The following SLC15A2 variants were observed in gnomAD, a reference collection of about 807,000 sequenced individuals.
The protein encoded by SLC15A2 is solute carrier family 15 member 2.
In SLC15A2, 77 loss-of-function variants were observed where a neutral mutation model predicts 95.5. The observed-to-expected ratio is 0.81, with a 90% CI of 0.67 to 0.97. SLC15A2 has a LOEUF of 0.97. SLC15A2 is among the 50% of genes least tolerant of loss of function. The pLI, the probability that SLC15A2 is intolerant of heterozygous loss-of-function variation, is 0.00. For synonymous variants in SLC15A2, 306 were observed against 306.9 expected (o/e 1.00, Z 0.03); for missense variants, 893 against 874.4 (o/e 1.02, Z -0.27).
intron 5 of SLC15A2, chr3:121,914,924 C>T (rs1709855420): frequency 4.8e-6 from 4 of 841,556 alleles, no homozygotes; most frequent in South Asian, 5.0e-5. Context: ...AATGCAAAGA[C>T]ATTAATATTA....
intron 13 of SLC15A2, among the ~76,000 whole-genome samples, 170 bp downstream of exon 13, chr3:121,925,203 T>G (rs2689272): frequency 0.45 from 67,775 of 151,962 alleles, 15,648 homozygotes; most frequent in East Asian, 0.69. Context: ...CTGAAAAATG[T>G]GAATTAGATA....
In SLC15A2 at chr3:121,922,840, C is replaced by T. The variant is rs774319485; in HGVS notation, c.846C>T (p.Asp282=). 11 of 1,613,904 alleles carry T rather than the reference C, an allele frequency of 6.8e-6. No homozygotes were observed. The Admixed American group carries it at 1.8e-4, about 27-fold the overall frequency. The change falls in exon 9 of 22, where the codon GAC becomes GAT. Residue 282 remains aspartate (D), a synonymous_variant. Transcript: ENST00000489711. ...GDIPKRQHWL[D]WAAEKYPKQL... ...TTCCAAAGCGACAGCACTGGCTAGA[C>T]TGGGCGGCTGAGAAATATCCAGTAA...
chr3:121,924,155 T>C (rs541063676), intron 11 of SLC15A2, among the ~76,000 whole-genome samples, 196 bp from the exon 12 acceptor site: 1 of 152,316 alleles, frequency 6.6e-6, no homozygotes, highest in African/African-American at 2.4e-5. Context: ...CTGGCAAACA[T>C]AGCCAGAAGC....
chr3:121,899,589 C>T (rs1424332094), intron 3 of SLC15A2, among the ~76,000 whole-genome samples: 1 of 152,106 alleles, frequency 6.6e-6, no homozygotes, highest in Non-Finnish European at 1.5e-5. Flanking sequence ...TCTTCATTAT[C>T]AGTTCTTATG....
intron 18 of SLC15A2, 76 bp downstream of exon 18, chr3:121,931,026 G>A: frequency 1.1e-6 from 1 of 908,210 alleles, no homozygotes; most frequent in South Asian, 1.4e-5. Flanking sequence ...TATATAGGTG[G>A]GGAACTTAGG....
chr3:121,919,949 G>A (rs1709973032), intron 7 of SLC15A2, among the ~76,000 whole-genome samples: 1 of 152,210 alleles, frequency 6.6e-6, no homozygotes, highest in South Asian at 2.1e-4. Flanking sequence ...AGGGAGGACA[G>A]GATGAGTGTG....
chr3:121,929,850 G>A (rs1042737161), intron 17 of SLC15A2, among the ~76,000 whole-genome samples: 2 of 152,166 alleles, frequency 1.3e-5, no homozygotes, highest in Non-Finnish European at 2.9e-5. Context: ...CAGTTACAGA[G>A]ATGGAGTACC....
intron 9 of SLC15A2, 67 bp from the exon 10 acceptor site, chr3:121,922,973 T>TA: frequency 6.4e-7 from 1 of 1,573,012 alleles, no homozygotes; most frequent in Non-Finnish European, 8.7e-7. Flanking sequence ...TGGACACTTC[T>TA]ACTTTAAGCA....
At chr3:121,924,890 C>A in intron 12 of SLC15A2, 55 bp from the exon 13 acceptor site, 1 of 1,247,760 alleles carries the variant, frequency 8.0e-7, no homozygotes, top group Non-Finnish European at 1.2e-6. Context: ...GTGCAGTGCT[C>A]ACACTCATGA....
chr3:121,907,611 C>T (rs919501539), intron 3 of SLC15A2, among the ~76,000 whole-genome samples: 7 of 152,304 alleles, frequency 4.6e-5, no homozygotes, highest in African/African-American at 1.4e-4. Context: ...CAGTCAGGTC[C>T]CTCAGCTGCG....
chr3:121,903,142 TA>T (rs1221322131), intron 3 of SLC15A2, among the ~76,000 whole-genome samples: 2 of 152,264 alleles, frequency 1.3e-5, no homozygotes, highest in Non-Finnish European at 2.9e-5. Context: ...GTTGGCTGCA[TA>T]AATGTCTTCT....
At chr3:121,898,029 GC>G (rs1463491452) in intron 3 of SLC15A2, among the ~76,000 whole-genome samples, 1 of 152,074 alleles carries the variant, frequency 6.6e-6, no homozygotes, top group Non-Finnish European at 1.5e-5. Flanking sequence ...AGGCATGGTG[GC>G]GGGCACCTGT....
chr3:121,938,360 C>G (rs1236843393), intron 19 of SLC15A2, among the ~76,000 whole-genome samples: 1 of 152,240 alleles, frequency 6.6e-6, no homozygotes, highest in Non-Finnish European at 1.5e-5. Flanking sequence ...GCCCCTCCCC[C>G]AGCCTCGCTG....
chr3:121,938,869 A>C (rs1027929073), intron 19 of SLC15A2, among the ~76,000 whole-genome samples: 107 of 152,176 alleles, frequency 7.0e-4, no homozygotes, highest in African/African-American at 2.5e-3. Flanking sequence ...TGTTCTTCTA[A>C]TCTTGTTCAT....
intron 7 of SLC15A2, among the ~76,000 whole-genome samples, chr3:121,916,663 A>T (rs1709900207): frequency 1.3e-5 from 2 of 152,194 alleles, no homozygotes; most frequent in Non-Finnish European, 2.9e-5. Flanking sequence ...TAACAGAGTA[A>T]TTATGAAGAT....
chr3:121,898,841 C>G (rs1337756299), intron 3 of SLC15A2, among the ~76,000 whole-genome samples: 1 of 152,140 alleles, frequency 6.6e-6, no homozygotes, highest in African/African-American at 2.4e-5. Flanking sequence ...TTATAGCTTA[C>G]TTTGGCCGAT....
At chr3:121,901,704 C>T (rs1709523492) in intron 3 of SLC15A2, among the ~76,000 whole-genome samples, 1 of 152,048 alleles carries the variant, frequency 6.6e-6, no homozygotes, top group Admixed American at 6.5e-5. Context: ...AGAAAAAAGA[C>T]AAGACTCTTC....
chr3:121,915,846 G>A (rs1709884714), intron 7 of SLC15A2, among the ~76,000 whole-genome samples, 153 bp downstream of exon 7: 1 of 152,152 alleles, frequency 6.6e-6, no homozygotes, highest in African/African-American at 2.4e-5. Context: ...AATTTTGGAG[G>A]TAAATTCTGA....
In SLC15A2 at chr3:121,913,014, A is replaced by C. The variant is rs772124051; in HGVS notation, c.429-7A>C. The C allele has an allele frequency of 3.7e-6, 6 of 1,608,716 alleles. No individual in the cohort carries two copies. In the African/African-American group the frequency reaches 8.0e-5, roughly 21 times the overall value. ...ACATGGTTGGCATTCTCACCTCTCC[A>C]TTTCAGAGTCCTATCATTGATCGGC... On this transcript the variant is annotated splice_region_variant and splice_polypyrimidine_tract_variant and intron_variant, in intron 4 of 21. Transcript: ENST00000489711.
Sources: allele counts gnomAD v4.1 joint callset (sites outside exome capture counted in the v4.1 genomes callset), GRCh38; gene constraint gnomAD v4.1.1; transcripts MANE v1.5; gene names NCBI Gene and HGNC (gene_info 2026-07-23, HGNC 2026-07-21).